KALRN: variants seen among roughly 807,000 people sequenced by gnomAD.
KALRN encodes the protein kalirin.
A neutral mutation model predicts 353.7 loss-of-function variants in KALRN; 70 were observed. That is an observed-to-expected ratio of 0.20 (90% CI 0.16 to 0.24). KALRN has a LOEUF of 0.24. KALRN is among the 10% of genes least tolerant of loss of function. The pLI is 1.00. For synonymous variants in KALRN, 1,391 were observed against 1,434.8 expected (o/e 0.97, Z 0.69); for missense variants, 2,791 against 3,756.7 (o/e 0.74, Z 6.72).
At chr3:124,039,289 C>T (rs1294205741) in intron 1 of KALRN, among the ~76,000 whole-genome samples, 1 of 152,224 alleles carries the variant, frequency 6.6e-6, no homozygotes, top group Non-Finnish European at 1.5e-5. Context: ...GGAGCTTTCA[C>T]AGCTCACGAT....
intron 1 of KALRN, among the ~76,000 whole-genome samples, chr3:124,166,304 A>G (rs1403394237): frequency 6.6e-6 from 1 of 152,192 alleles, no homozygotes; most frequent in Non-Finnish European, 1.5e-5. Flanking sequence ...GGCTTAACAA[A>G]TATTGAACAG....
intron 1 of KALRN, chr3:124,152,120 T>C: frequency 7.8e-7 from 1 of 1,278,562 alleles, no homozygotes. Context: ...TCCAACATTA[T>C]AGATCTCATG....
At chr3:124,076,881 T>G (rs2060286775) in intron 1 of KALRN, among the ~76,000 whole-genome samples, 2 of 152,220 alleles carry the variant, frequency 1.3e-5, no homozygotes, top group South Asian at 4.1e-4. Context: ...AAATATGCAC[T>G]TTCTTTGTGA....
intron 33 of KALRN, among the ~76,000 whole-genome samples, chr3:124,545,805 T>G (rs963833073): frequency 6.6e-6 from 1 of 152,216 alleles, no homozygotes; most frequent in Non-Finnish European, 1.5e-5. Context: ...TTTGATGTCC[T>G]AGAGAGCCCA....
chr3:124,616,561 C>T (rs2078618018), intron 34 of KALRN, among the ~76,000 whole-genome samples: 1 of 152,128 alleles, frequency 6.6e-6, no homozygotes, highest in Admixed American at 6.5e-5. Context: ...TCTATGTTCC[C>T]TCTGGGGTCA....
In KALRN at chr3:124,430,685, A is replaced by G; in HGVS notation, c.2739A>G (p.Ser913=). The G allele has an allele frequency of 1.2e-6, 2 of 1,614,170 alleles. No homozygotes were observed. The highest frequency in any genetic ancestry group is 1.7e-6 in the Non-Finnish European group (2 of 1,179,986). ...TGGGATGGATCCGCAATGGAGAGTCAATGCTCAACGCCAGCCTGGTCAATG... is the reference window on the plus strand; with the variant it reads ...TGGGATGGATCCGCAATGGAGAGTCGATGCTCAACGCCAGCCTGGTCAATG... ...QVLGWIRNGE[S]MLNASLVNAS... is the part of the protein sequence containing the mutation. The change falls in exon 16 of 60, where the codon TCA becomes TCG. Residue 913 remains serine (S), a synonymous_variant. Coordinates refer to ENST00000682506, the MANE Select transcript of KALRN (RefSeq NM_001388419.1).
At chr3:124,425,291 A>G (rs566458823) in intron 15 of KALRN, among the ~76,000 whole-genome samples, 2 of 152,366 alleles carry the variant, frequency 1.3e-5, no homozygotes, top group African/African-American at 4.8e-5. Flanking sequence ...TTCCAACACA[A>G]ATAAATGAGG....
At chr3:124,562,334 C>T (rs1341050608) in intron 33 of KALRN, among the ~76,000 whole-genome samples, 2 of 152,212 alleles carry the variant, frequency 1.3e-5, no homozygotes, top group East Asian at 3.9e-4. Context: ...TTCCATTATT[C>T]CCTATCATCT....
Position 124,700,043 on chromosome 3 carries a change from A to G in KALRN, c.7996+10A>G. 1 of 1,613,290 alleles carries G rather than the reference A, an allele frequency of 6.2e-7. No individual in the cohort carries two copies. The highest frequency in any genetic ancestry group is 1.3e-5 in the African/African-American group (1 of 75,040). The stretch of plus-strand genomic sequence containing the variant: ...CGACTTCCAGAATATGGTGAGTCCC[A>G]GCCCAGCCCTGGCCCCCCAGGCAGT... On this transcript the variant is annotated intron_variant, in intron 56 of 59. Transcript: ENST00000682506.
At chr3:124,136,434 C>T (rs1249300129) in intron 1 of KALRN, among the ~76,000 whole-genome samples, 3 of 152,214 alleles carry the variant, frequency 2.0e-5, no homozygotes, top group South Asian at 2.1e-4. Context: ...TCCTTTAGAA[C>T]GAGAGGAGGC....
intron 1 of KALRN, among the ~76,000 whole-genome samples, chr3:124,168,353 G>T (rs995333424): frequency 2.0e-5 from 3 of 152,234 alleles, no homozygotes; most frequent in Non-Finnish European, 4.4e-5. Flanking sequence ...AGTTGGAAGT[G>T]ATGGGGTTTG....
chr3:124,220,106 G>A (rs1195868995), intron 1 of KALRN, among the ~76,000 whole-genome samples: 7 of 151,916 alleles, frequency 4.6e-5, no homozygotes, highest in Admixed American at 2.0e-4. Context: ...CACCACAACT[G>A]GCTAATATTT....
At chr3:124,467,345 G>A (rs940051650) in intron 25 of KALRN, among the ~76,000 whole-genome samples, 2 of 152,220 alleles carry the variant, frequency 1.3e-5, no homozygotes, top group Non-Finnish European at 2.9e-5. Context: ...TGGAGATGAA[G>A]CTGGTACCCT....
chr3:124,330,228 A>T (rs934868383), intron 8 of KALRN, among the ~76,000 whole-genome samples: 2 of 130,592 alleles, frequency 1.5e-5, no homozygotes, highest in African/African-American at 6.6e-5. Context: ...ACTCGCATTC[A>T]TTCTCTCTCT....
chr3:124,581,391 C>CAAAAAA (rs5852421), intron 34 of KALRN, among the ~76,000 whole-genome samples: 1 of 137,466 alleles, frequency 7.3e-6, no homozygotes. Flanking sequence ...AGACTCTGCT[C>CAAAAAA]AAAAAAAAAA....
intron 32 of KALRN, 36 bp from the exon 33 acceptor site, chr3:124,496,269 CCCCCCA>C: frequency 1.4e-6 from 2 of 1,451,086 alleles, no homozygotes; most frequent in Non-Finnish European, 1.9e-6. Context: ...CACAGTGGTT[CCCCCCA>C]CCCCCACCCC....
At chr3:124,482,445 T>A (rs1192252304) in intron 27 of KALRN, among the ~76,000 whole-genome samples, 1 of 152,194 alleles carries the variant, frequency 6.6e-6, no homozygotes, top group Non-Finnish European at 1.5e-5. Flanking sequence ...CTCCCCTTTT[T>A]GGAACTGATT....
intron 1 of KALRN, among the ~76,000 whole-genome samples, chr3:124,202,438 A>G (rs146502863): frequency 1.9e-3 from 295 of 152,260 alleles, no homozygotes; most frequent in African/African-American, 6.7e-3. Flanking sequence ...CTTTGTAGAA[A>G]TGGGTGTTTC....
At chr3:124,296,108 G>A (rs532456000) in intron 5 of KALRN, among the ~76,000 whole-genome samples, 3 of 152,260 alleles carry the variant, frequency 2.0e-5, no homozygotes, top group East Asian at 1.9e-4. Context: ...AATCATGCAC[G>A]TTTGCCTTTG....
Sources: allele counts gnomAD v4.1 joint callset (sites outside exome capture counted in the v4.1 genomes callset), GRCh38; gene constraint gnomAD v4.1.1; transcripts MANE v1.5; gene names NCBI Gene and HGNC (gene_info 2026-07-23, HGNC 2026-07-21).